MCC: variants seen among roughly 807,000 people sequenced by gnomAD.
MCC encodes the protein MCC regulator of Wnt signaling pathway, also known as colorectal mutant cancer protein.
In MCC, 90 loss-of-function variants were observed where a neutral mutation model predicts 116.2. The observed-to-expected ratio is 0.77, with a 90% CI of 0.65 to 0.92. The LOEUF (loss-of-function observed/expected upper bound fraction) is 0.92. Among genes scored for constraint, MCC ranks in the 40% least tolerant of loss-of-function variants. The pLI is 0.00. For missense variants in MCC, 1,516 were observed against 1,312.2 expected (o/e 1.16, Z -2.40); for synonymous variants, 578 against 510.5 (o/e 1.13, Z -1.78).
intron 3 of MCC, among the ~76,000 whole-genome samples, chr5:113,205,920 A>G (rs1762894724): frequency 6.6e-6 from 1 of 152,216 alleles, no homozygotes; most frequent in South Asian, 2.1e-4. Context: ...AAGGCTCCTG[A>G]AGCCATGCCA....
At chr5:113,092,653 CAAAGAAAATTA>C (rs1393592228) in intron 8 of MCC, among the ~76,000 whole-genome samples, 1 of 152,056 alleles carries the variant, frequency 6.6e-6, no homozygotes, top group Non-Finnish European at 1.5e-5. Context: ...TTTTCAGTAC[CAAAGAAAATTA>C]AACCTGAGAA....
intron 2 of MCC, among the ~76,000 whole-genome samples, chr5:113,343,094 A>G (rs1389223828): frequency 6.6e-6 from 1 of 152,232 alleles, no homozygotes; most frequent in African/African-American, 2.4e-5. Context: ...AATTACATAC[A>G]GCAAACTGCA....
chr5:113,385,907 G>T (rs1228179971), intron 1 of MCC, among the ~76,000 whole-genome samples: 2 of 152,076 alleles, frequency 1.3e-5, no homozygotes, highest in Admixed American at 1.3e-4. Context: ...GCTTGGTGGG[G>T]TCTGTGGCTG....
At chr5:113,287,211 A>T (rs1442060745) in intron 3 of MCC, among the ~76,000 whole-genome samples, 1 of 150,412 alleles carries the variant, frequency 6.6e-6, no homozygotes, top group East Asian at 1.9e-4. Flanking sequence ...GGCTTGTCTG[A>T]TTTTATAACC....
chr5:113,178,747 C>A (rs1289464235), intron 3 of MCC, among the ~76,000 whole-genome samples: 1 of 152,092 alleles, frequency 6.6e-6, no homozygotes, highest in Non-Finnish European at 1.5e-5. Context: ...TAATAAAATC[C>A]TCAAAAATAC....
At chr5:113,446,250 G>T (rs1396407606) in intron 1 of MCC, among the ~76,000 whole-genome samples, 3 of 152,098 alleles carry the variant, frequency 2.0e-5, no homozygotes, top group South Asian at 2.1e-4. Context: ...TGACAAGCAT[G>T]ACATAATTAA....
intron 1 of MCC, among the ~76,000 whole-genome samples, chr5:113,473,914 T>C (rs1282253004): frequency 6.6e-6 from 1 of 152,124 alleles, no homozygotes; most frequent in East Asian, 1.9e-4. Context: ...ATTTCAGGCC[T>C]GAAAAGCTGA....
chr5:113,293,237 TCA>T (rs138318726), intron 3 of MCC, among the ~76,000 whole-genome samples: 2,241 of 149,654 alleles, frequency 0.015, 61 homozygotes, highest in African/African-American at 0.048. Flanking sequence ...AGGTGTTCCC[TCA>T]CACACACACA....
At chr5:113,056,184 G>A (rs1418042623) in intron 14 of MCC, among the ~76,000 whole-genome samples, 4 of 152,122 alleles carry the variant, frequency 2.6e-5, no homozygotes, top group South Asian at 2.1e-4. Context: ...TGACCCAAGC[G>A]TCTTACATAC....
intron 3 of MCC, among the ~76,000 whole-genome samples, chr5:113,172,304 T>G (rs1224181162): frequency 6.6e-6 from 1 of 152,222 alleles, no homozygotes; most frequent in East Asian, 1.9e-4. Context: ...CTCACCTCTT[T>G]AAGGTTATTT....
intron 15 of MCC, among the ~76,000 whole-genome samples, chr5:113,050,066 A>G (rs1752385110): frequency 6.6e-6 from 1 of 152,226 alleles, no homozygotes; most frequent in African/African-American, 2.4e-5. Context: ...CACTGTGCTA[A>G]GTGTTCACAT....
chr5:113,252,998 A>G (rs1581321476), intron 3 of MCC, among the ~76,000 whole-genome samples: 1 of 152,206 alleles, frequency 6.6e-6, no homozygotes, highest in South Asian at 2.1e-4. Context: ...TACTTCTTGA[A>G]TTTTTATTAT....
chr5:113,395,144 T>C (rs1271056300), intron 1 of MCC, among the ~76,000 whole-genome samples: 2 of 152,166 alleles, frequency 1.3e-5, no homozygotes, highest in Non-Finnish European at 2.9e-5. Flanking sequence ...GCATAACAAA[T>C]AAATGAATAC....
chr5:113,127,947 T>G (rs1190773867), intron 5 of MCC, among the ~76,000 whole-genome samples: 2 of 152,234 alleles, frequency 1.3e-5, no homozygotes, highest in African/African-American at 4.8e-5. Context: ...ATTGCCTAGG[T>G]TGTCTCCCAT....
At chr5:113,129,706 T>C (rs1051444918) in intron 5 of MCC, among the ~76,000 whole-genome samples, 3 of 152,218 alleles carry the variant, frequency 2.0e-5, no homozygotes, top group African/African-American at 7.2e-5. Context: ...AAAGAAGACA[T>C]TTATGCAGCC....
rs181089074 is a variant in MCC, at chr5:113,482,725, T to A, written c.170+5520A>T. Among the ~76,000 whole-genome samples the A allele has an allele frequency of 2.0e-3, 310 of 152,306 alleles. 2 individuals are homozygous for A. Among genetic ancestry groups the A allele is most frequent in the African/African-American group, 7.0e-3 (291 of 41,580 alleles). On this transcript the variant is annotated intron_variant, in intron 1 of 18. Coordinates refer to ENST00000408903, the MANE Select transcript of MCC (RefSeq NM_001085377.2). ...GTTGTCTTTCACTCTTTTGATAGTG[T>A]TTTTTGAAGCATAAACTTAAAAAAT...
At chr5:113,235,821 A>G (rs887683424) in intron 3 of MCC, among the ~76,000 whole-genome samples, 12 of 152,190 alleles carry the variant, frequency 7.9e-5, no homozygotes, top group African/African-American at 2.2e-4. Context: ...TTTCATTTCA[A>G]TGTTATGCCC....
intron 1 of MCC, among the ~76,000 whole-genome samples, chr5:113,420,692 C>T (rs1043432384): frequency 2.0e-5 from 3 of 152,072 alleles, no homozygotes; most frequent in African/African-American, 7.2e-5. Flanking sequence ...AAAGGACATG[C>T]TAGTCTATTT....
intron 3 of MCC, among the ~76,000 whole-genome samples, chr5:113,340,298 A>G (rs1767977847): frequency 6.6e-6 from 1 of 152,190 alleles, no homozygotes; most frequent in Non-Finnish European, 1.5e-5. Flanking sequence ...CCTTAATCAA[A>G]ACACCTTTTA....
Sources: gnomAD v4.1 joint callset for allele counts (sites outside exome capture counted in the v4.1 genomes callset) on GRCh38, gnomAD v4.1.1 for gene constraint, MANE v1.5 for transcripts, NCBI Gene and HGNC (gene_info 2026-07-23, HGNC 2026-07-21) for gene names.